The following MTRF1 variants were observed in gnomAD, a reference collection of about 807,000 sequenced individuals.
The protein encoded by MTRF1 is peptide chain release factor 1, mitochondrial.
Under a neutral mutation model 62.9 loss-of-function variants are expected in MTRF1, and 51 were observed. That is an observed-to-expected ratio of 0.81 (90% confidence interval 0.65 to 1.02). MTRF1 has a LOEUF of 1.02. Among genes scored for constraint, MTRF1 ranks in the 50% least tolerant of loss-of-function variants. MTRF1 has a pLI of 0.00. For missense variants in MTRF1, 446 were observed against 530.0 expected (o/e 0.84, Z 1.56); for synonymous variants, 158 against 181.9 (o/e 0.87, Z 1.06).
Position 41,260,529 on chromosome 13 carries a change from C to T in MTRF1, c.379G>A (p.Glu127Lys). The T allele has an allele frequency of 6.2e-7, 1 of 1,613,520 alleles. No individual in the cohort carries two copies. The highest frequency in any genetic ancestry group is 1.1e-5 in the South Asian group (1 of 91,046). ...AAIYQEIQET[E>K]QAIEELESMC... ...GATTCTAATTCTTCAATTGCTTGTT[C>T]AGTCTCCTGAATTTCTTGGTAAATG... Residue 127 changes from glutamate (E) to lysine (K), a missense_variant, in exon 2 of 10, where the codon GAA becomes AAA. Coordinates refer to ENST00000379480, the MANE Select transcript of MTRF1 (RefSeq NM_004294.4).
chr13:41,288,170 G>T, the MTRF1 span: 1 of 499,900 alleles, frequency 2.0e-6, no homozygotes, highest in Non-Finnish European at 4.0e-6. Flanking sequence ...CAGATTCACT[G>T]GCTTTCCATC....
intron 7 of MTRF1, among the ~76,000 whole-genome samples, chr13:41,230,371 TCTC>T (rs2035312329): frequency 6.6e-6 from 1 of 151,490 alleles, no homozygotes; most frequent in African/African-American, 2.4e-5. Flanking sequence ...TTCAAGCAAT[TCTC>T]CTGCCTCAGC....
At chr13:41,258,523 G>T (rs2040005789) in intron 2 of MTRF1, among the ~76,000 whole-genome samples, 1 of 149,432 alleles carries the variant, frequency 6.7e-6, no homozygotes, top group Non-Finnish European at 1.5e-5. Context: ...GAGGCAGGAG[G>T]ATTGTTTGAG....
At chr13:41,226,217 T>C (rs977085713) in intron 8 of MTRF1, among the ~76,000 whole-genome samples, 2 of 152,258 alleles carry the variant, frequency 1.3e-5, no homozygotes, top group African/African-American at 4.8e-5. Context: ...ATTTTTAGTT[T>C]ATACATCTTA....
At chr13:41,311,979 G>GTTTGT in the MTRF1 span, among the ~76,000 whole-genome samples, 1 of 152,218 alleles carries the variant, frequency 6.6e-6, no homozygotes, top group Non-Finnish European at 1.5e-5. Context: ...TCGGCTAGGT[G>GTTTGT]TTTTGCGTTC....
chr13:41,311,344 T>C, the MTRF1 span: 1 of 606,332 alleles, frequency 1.6e-6, no homozygotes. Context: ...TCAGACCGCC[T>C]TCCTTCTCCA....
chr13:41,267,185 A>G (rs186900759), upstream of MTRF1, among the ~76,000 whole-genome samples: 586 of 151,862 alleles, frequency 3.9e-3, 5 homozygotes, highest in African/African-American at 0.013. Flanking sequence ...GTATTTGTTG[A>G]AGAAACTGGA....
At chr13:41,279,499 C>G in the MTRF1 span, among the ~76,000 whole-genome samples, 2 of 152,156 alleles carry the variant, frequency 1.3e-5, no homozygotes, top group Non-Finnish European at 2.9e-5. Flanking sequence ...AACCTGGAAG[C>G]CTCCCTTCTA....
chr13:41,274,369 A>AT, the MTRF1 span, among the ~76,000 whole-genome samples: 1 of 152,130 alleles, frequency 6.6e-6, no homozygotes, highest in Non-Finnish European at 1.5e-5. Context: ...TTTCAAACTT[A>AT]TTTTTTTGTT....
the MTRF1 span, among the ~76,000 whole-genome samples, chr13:41,283,629 A>G: frequency 1.1e-4 from 12 of 109,254 alleles, no homozygotes; most frequent in Non-Finnish European, 1.5e-4. Flanking sequence ...TCGCTCTGTC[A>G]CCCAGGCTGG....
At chr13:41,238,831 C>T (rs963459048) in intron 6 of MTRF1, among the ~76,000 whole-genome samples, 5 of 152,010 alleles carry the variant, frequency 3.3e-5, no homozygotes, top group Non-Finnish European at 7.4e-5. Flanking sequence ...TATAACTGCA[C>T]CTATGAAGTA....
At chr13:41,265,435 A>AT (rs2040817662), upstream of MTRF1, among the ~76,000 whole-genome samples, 1 of 151,948 alleles carries the variant, frequency 6.6e-6, no homozygotes, top group East Asian at 1.9e-4. Flanking sequence ...AAAAAAAAAA[A>AT]GTAGTCTTAC....
At chr13:41,311,927 C>G in the MTRF1 span, among the ~76,000 whole-genome samples, 1 of 152,270 alleles carries the variant, frequency 6.6e-6, no homozygotes, top group African/African-American at 2.4e-5. Context: ...GCAGCAGCCC[C>G]TCAGGGATCC....
the MTRF1 span, chr13:41,311,323 G>T: frequency 6.8e-5 from 39 of 569,474 alleles, no homozygotes; most frequent in Non-Finnish European, 1.1e-4. Context: ...CCCAGGGGAA[G>T]CGTGTCCTGC....
the MTRF1 span, chr13:41,311,613 C>A: frequency 6.3e-7 from 1 of 1,591,618 alleles, no homozygotes; most frequent in South Asian, 1.1e-5. Context: ...CTGCCGCCCC[C>A]CGGTCCCCGG....
chr13:41,282,799 G>A, the MTRF1 span, among the ~76,000 whole-genome samples: 1 of 152,342 alleles, frequency 6.6e-6, no homozygotes, highest in South Asian at 2.1e-4. Flanking sequence ...GCATTGCCAT[G>A]TCCTACTTAA....
chr13:41,287,243 T>G, the MTRF1 span, among the ~76,000 whole-genome samples: 1 of 152,196 alleles, frequency 6.6e-6, no homozygotes, highest in Non-Finnish European at 1.5e-5. Flanking sequence ...TGGGGAGGCC[T>G]CAGGGAGCTT....
chr13:41,260,063 C>G (rs1304686058), intron 2 of MTRF1, among the ~76,000 whole-genome samples: 2 of 152,180 alleles, frequency 1.3e-5, no homozygotes, highest in African/African-American at 4.8e-5. Flanking sequence ...CCACGAGGAG[C>G]CTGTTTACTT....
chr13:41,311,942 C>T, the MTRF1 span, among the ~76,000 whole-genome samples: 1 of 152,238 alleles, frequency 6.6e-6, no homozygotes, highest in African/African-American at 2.4e-5. Context: ...GGATCCTCCC[C>T]CGGTGGTTTA....
Sources: gnomAD v4.1 joint callset for allele counts (sites outside exome capture counted in the v4.1 genomes callset) on GRCh38, gnomAD v4.1.1 for gene constraint, MANE v1.5 for transcripts, NCBI Gene and HGNC (gene_info 2026-07-23, HGNC 2026-07-21) for gene names.